Variants in GRIP1 observed in about 807,000 individuals in gnomAD.
The protein encoded by GRIP1 is glutamate receptor interacting protein 1, also known as glutamate receptor-interacting protein 1.
Under a neutral mutation model 129.9 loss-of-function variants are expected in GRIP1, and 45 were observed. The observed-to-expected ratio is 0.35, with a 90% CI of 0.27 to 0.44. The LOEUF is 0.44. GRIP1 is among the 20% of genes least tolerant of loss of function. GRIP1 has a pLI of 1.00. For missense variants in GRIP1, 1,196 were observed against 1,396.8 expected (o/e 0.86, Z 2.29); for synonymous variants, 530 against 520.8 (o/e 1.02, Z -0.24).
intron 1 of GRIP1, among the ~76,000 whole-genome samples, chr12:66,827,207 G>A (rs914357585): frequency 6.6e-6 from 1 of 152,056 alleles, no homozygotes; most frequent in African/African-American, 2.4e-5. Context: ...GGCTGCCATC[G>A]AGGGGCCACC....
At chr12:66,555,271 A>G (rs2062285434) in intron 2 of GRIP1, among the ~76,000 whole-genome samples, 1 of 152,156 alleles carries the variant, frequency 6.6e-6, no homozygotes, top group Non-Finnish European at 1.5e-5. Context: ...TAATCCAGAT[A>G]ATTTTTCTGG....
At chr12:66,766,258 T>C (rs186980717) in intron 1 of GRIP1, among the ~76,000 whole-genome samples, 31 of 152,304 alleles carry the variant, frequency 2.0e-4, no homozygotes, top group Non-Finnish European at 4.1e-4. Context: ...TAGAGATATC[T>C]GGGGAGTCAG....
At chr12:66,368,308 C>G (rs1028713394) in intron 23 of GRIP1, among the ~76,000 whole-genome samples, 3 of 152,174 alleles carry the variant, frequency 2.0e-5, no homozygotes, top group Non-Finnish European at 4.4e-5. Context: ...TATCTTGATC[C>G]AACTTATAGT....
intron 1 of GRIP1, among the ~76,000 whole-genome samples, chr12:66,831,906 T>C (rs186003941): frequency 2.0e-5 from 3 of 152,350 alleles, no homozygotes; most frequent in African/African-American, 7.2e-5. Context: ...GTCTCTGGAA[T>C]AAAGTAAGAT....
At chr12:66,571,535 A>G (rs1033987952) in intron 2 of GRIP1, among the ~76,000 whole-genome samples, 3 of 152,170 alleles carry the variant, frequency 2.0e-5, no homozygotes, top group South Asian at 2.1e-4. Flanking sequence ...TAGTCTGAAT[A>G]TAATACCCAC....
intron 1 of GRIP1, among the ~76,000 whole-genome samples, chr12:66,763,678 C>T (rs1389647736): frequency 6.6e-6 from 1 of 152,100 alleles, no homozygotes; most frequent in Non-Finnish European, 1.5e-5. Flanking sequence ...GGAAATAAAA[C>T]ATAGATTAAT....
At position 66,785,335 on chromosome 12, in the gene GRIP1, C is replaced by CAT. The variant is rs1448856691; in HGVS notation, c.-420+18716_-420+18717dup. Among the ~76,000 whole-genome samples the CAT allele has an allele frequency of 2.9e-3, 80 of 27,800 alleles. 1 individual carries two copies. In the East Asian group the frequency reaches 0.035, roughly 12 times the overall value. 18.2% of individuals were successfully genotyped at this position (27,800 alleles called of 152,430 possible). A position where few individuals can be genotyped will look rare whatever the true frequency, so the allele number is the denominator to read the frequency against. ...ACATACATACATACATACATACATA[C>CAT]ATACATACATATATATATATATATA... On this transcript the variant is annotated intron_variant, in intron 1 of 4. Transcript: ENST00000538373.
rs2054335071 is a variant in GRIP1 at position 66,353,531 on chromosome 12, G to A, written c.3045C>T (p.Asp1015=). The part of the protein sequence containing the change: ...VTLYKDSDME[D]FGFSVADGLL... Reference sequence around the variant, plus strand: ...AGCCATCTGCTACACTGAACCCAAAGTCCTCCATGTCAGAGTCCTTGTACA... The same window carrying A: ...AGCCATCTGCTACACTGAACCCAAAATCCTCCATGTCAGAGTCCTTGTACA... The change falls in exon 24 of 25, where the codon GAC becomes GAT. Residue 1015 remains aspartate, a synonymous_variant. Coordinates refer to ENST00000359742, the MANE Select transcript of GRIP1 (RefSeq NM_001366722.1). 3.1e-6 allele frequency: 5 copies of A among 1,613,882 alleles called. No homozygotes were observed. The highest frequency in any genetic ancestry group is 3.4e-6 in the Non-Finnish European group (4 of 1,179,768).
At chr12:66,686,520 C>A (rs887204950) in intron 1 of GRIP1, among the ~76,000 whole-genome samples, 3 of 152,164 alleles carry the variant, frequency 2.0e-5, no homozygotes, top group African/African-American at 7.2e-5. Flanking sequence ...TCTGTAATTC[C>A]ATCTTCAATA....
intron 1 of GRIP1, among the ~76,000 whole-genome samples, chr12:66,718,095 C>G (rs1469121797): frequency 6.6e-6 from 1 of 152,142 alleles, no homozygotes; most frequent in Non-Finnish European, 1.5e-5. Context: ...AATCCCCTAA[C>G]TAGTCTCCAA....
intron 1 of GRIP1, among the ~76,000 whole-genome samples, chr12:66,748,204 A>C (rs1310041568): frequency 6.6e-6 from 1 of 152,070 alleles, no homozygotes; most frequent in Non-Finnish European, 1.5e-5. Context: ...TTTAGTAGAG[A>C]TGGGGTTTCA....
intron 2 of GRIP1, among the ~76,000 whole-genome samples, chr12:66,581,609 A>G (rs2063383031): frequency 6.6e-6 from 1 of 151,358 alleles, no homozygotes; most frequent in African/African-American, 2.4e-5. Flanking sequence ...AACTACCATC[A>G]GAGAATACTA....
intron 2 of GRIP1, among the ~76,000 whole-genome samples, chr12:66,585,613 T>C (rs2063598863): frequency 1.4e-5 from 2 of 145,910 alleles, no homozygotes; most frequent in African/African-American, 5.1e-5. Context: ...TTTGGGTATA[T>C]ACCCAGTAAT....
rs74673790 is a variant in GRIP1 at position 66,763,348 on chromosome 12, T to C, written c.-420+40705A>G. On this transcript the variant is annotated intron_variant, in intron 1 of 4. Coordinates refer to the GRIP1 transcript ENST00000538373. ...TCAGCTAGTCATTTGCCGGTTTGAA[T>C]TGATGTTCCATCTAGCCTACTCCTG... Among the ~76,000 whole-genome samples the C allele has an allele frequency of 4.6e-5, 7 of 152,324 alleles. No homozygotes were observed. In the East Asian group the frequency reaches 9.7e-4, roughly 21 times the overall value.
chr12:66,917,025 G>A (rs1221874773), intron 1 of GRIP1, among the ~76,000 whole-genome samples: 2 of 152,054 alleles, frequency 1.3e-5, no homozygotes, highest in African/African-American at 2.4e-5. Context: ...CCTTACAAAT[G>A]TTCCAAATTT....
At chr12:66,919,637 G>A (rs1566078663) in intron 1 of GRIP1, among the ~76,000 whole-genome samples, 1 of 152,136 alleles carries the variant, frequency 6.6e-6, no homozygotes, top group Non-Finnish European at 1.5e-5. Context: ...CCAATGAAAT[G>A]AAGCAAGAAT....
chr12:66,479,896 A>G (rs10784543), intron 7 of GRIP1, among the ~76,000 whole-genome samples: 21,055 of 152,120 alleles, frequency 0.14, 1,616 homozygotes, highest in Non-Finnish European at 0.18. Flanking sequence ...CTCTCAATAA[A>G]CTAGGTATTG....
chr12:66,973,368 C>T (rs1350901239), intron 1 of GRIP1, among the ~76,000 whole-genome samples: 2 of 126,952 alleles, frequency 1.6e-5, no homozygotes, highest in Admixed American at 8.8e-5. Flanking sequence ...CCCTTTTTTC[C>T]TTTTTCATTC....
intron 1 of GRIP1, among the ~76,000 whole-genome samples, chr12:66,906,877 T>C (rs1219561477): frequency 6.6e-6 from 1 of 152,208 alleles, no homozygotes; most frequent in East Asian, 1.9e-4. Flanking sequence ...AAATTGAAAA[T>C]TGTAGAAAAG....
Sources: gnomAD v4.1 joint callset for allele counts (sites outside exome capture counted in the v4.1 genomes callset) on GRCh38, gnomAD v4.1.1 for gene constraint, MANE v1.5 for transcripts, NCBI Gene and HGNC (gene_info 2026-07-23, HGNC 2026-07-21) for gene names.